MIGA1: variants seen among roughly 807,000 people sequenced by gnomAD.
MIGA1 encodes family with sequence similarity 73, member A.
Under a neutral mutation model 82.0 loss-of-function variants are expected in MIGA1, and 58 were observed. The ratio of observed to expected loss-of-function variants is 0.71; its 90% CI spans 0.57 to 0.88. The LOEUF is 0.88. MIGA1 is among the 40% of genes least tolerant of loss of function. The pLI, the probability that MIGA1 is intolerant of heterozygous loss-of-function variation, is 0.00. For missense variants in MIGA1, 751 were observed against 749.1 expected, an observed-to-expected ratio of 1.00 and a Z score of -0.03; for synonymous variants, 249 against 253.6, an observed-to-expected ratio of 0.98 and a Z score of 0.17.
Position 77,859,073 on chromosome 1 carries a change from GT to G in MIGA1, c.1115+20del, listed in dbSNP as rs1685371226. 2 of 1,421,912 alleles carry G rather than the reference GT, an allele frequency of 1.4e-6. No homozygotes were observed. The highest frequency in any genetic ancestry group is 2.0e-6 in the Non-Finnish European group (2 of 1,005,224). The allele number at this position is 1,421,912 out of a possible 1,614,324, so 88.1% of individuals were successfully genotyped here. On this transcript the variant is annotated intron_variant, in intron 9 of 15. Coordinates refer to ENST00000370791, the MANE Select transcript of MIGA1 (RefSeq NM_198549.4). ...AGTACTGAGGTACCATTTCAGTTTT[GT>G]TTATGTTTATGAAGGATATTAAGGT...
chr1:77,783,141 A>G, intron 1 of MIGA1, 97 bp from the exon 2 acceptor site: 1 of 750,938 alleles, frequency 1.3e-6, no homozygotes. Flanking sequence ...GACTGCAAAA[A>G]TAAGCTGATA....
chr1:77,870,853 C>T (rs79433471), intron 14 of MIGA1, among the ~76,000 whole-genome samples: 58 of 150,480 alleles, frequency 3.9e-4, no homozygotes, highest in African/African-American at 1.3e-3. Context: ...AGGCCGAGGC[C>T]GGCGGATCAC....
intron 8 of MIGA1, chr1:77,848,178 C>A: frequency 2.1e-6 from 3 of 1,432,358 alleles, no homozygotes; most frequent in Non-Finnish European, 2.9e-6. Flanking sequence ...GCACAGGAGA[C>A]CAGTCATAGA....
chr1:77,801,493 G>A lies in MIGA1; in HGVS notation c.358G>A (p.Ala120Thr), dbSNP rs746346780. ...CCTCATACTTGAATACACTAAAAGA[G>A]CAGCATCAGACAAAGGTATGTGGAA... Residue 120 changes from alanine to threonine, a missense_variant, in exon 3 of 16, where the codon GCA (alanine) becomes ACA (threonine). By Grantham distance (58) the Ala-to-Thr change is moderately conservative (BLOSUM62 0). Transcript: ENST00000370791. 6.3e-7 allele frequency: 1 copy of A among 1,599,018 alleles called. No homozygotes were observed. The highest frequency in any genetic ancestry group is 1.1e-5 in the South Asian group (1 of 87,624).
chr1:77,799,050 T>A (rs910455594), intron 2 of MIGA1, among the ~76,000 whole-genome samples: 2 of 152,228 alleles, frequency 1.3e-5, no homozygotes, highest in African/African-American at 4.8e-5. Context: ...ATTCCTAGGA[T>A]GTATACCACT....
intron 2 of MIGA1, among the ~76,000 whole-genome samples, chr1:77,791,101 C>T (rs1207385837): frequency 6.6e-6 from 1 of 151,834 alleles, no homozygotes; most frequent in African/African-American, 2.4e-5. Flanking sequence ...TAAATATAAG[C>T]TGGGCATGGT....
chr1:77,863,077 CA>C (rs1484878293), intron 12 of MIGA1, among the ~76,000 whole-genome samples: 1 of 152,120 alleles, frequency 6.6e-6, no homozygotes, highest in Non-Finnish European at 1.5e-5. Context: ...GAAATGAAAT[CA>C]GTATCCATTT....
chr1:77,808,130 C>CTCT (rs1557904010), intron 5 of MIGA1, among the ~76,000 whole-genome samples: 2 of 137,038 alleles, frequency 1.5e-5, no homozygotes, highest in African/African-American at 2.7e-5. Context: ...ACCTTTCTCT[C>CTCT]TTTTTTTTTT....
At chr1:77,838,796 G>A (rs550203100) in intron 7 of MIGA1, among the ~76,000 whole-genome samples, 1 of 152,194 alleles carries the variant, frequency 6.6e-6, no homozygotes, top group African/African-American at 2.4e-5. Flanking sequence ...GTTTAGTTTT[G>A]TCTGTTTTTG....
At chr1:77,796,045 T>C (rs1682640220) in intron 2 of MIGA1, among the ~76,000 whole-genome samples, 1 of 152,256 alleles carries the variant, frequency 6.6e-6, no homozygotes, top group African/African-American at 2.4e-5. Context: ...TATATTTACT[T>C]ATTATAATAT....
At chr1:77,857,983 T>A (rs1165466300) in intron 8 of MIGA1, among the ~76,000 whole-genome samples, 1 of 152,162 alleles carries the variant, frequency 6.6e-6, no homozygotes, top group African/African-American at 2.4e-5. Flanking sequence ...TTGTAAGTAA[T>A]CTATGGATGA....
chr1:77,839,781 C>T (rs1230846449), intron 7 of MIGA1, among the ~76,000 whole-genome samples: 1 of 152,144 alleles, frequency 6.6e-6, no homozygotes, highest in Admixed American at 6.6e-5. Flanking sequence ...CTTGCTCTGT[C>T]ACCCAGGCTG....
chr1:77,820,704 A>G (rs1457156956), intron 7 of MIGA1, among the ~76,000 whole-genome samples: 1 of 152,154 alleles, frequency 6.6e-6, no homozygotes, highest in South Asian at 2.1e-4. Context: ...CTGATATCCT[A>G]TTCATGTTTT....
rs1414597589 is a variant in MIGA1 at position 77,877,191 on chromosome 1, TAATA to T, written c.*2132_*2135del. 2 of 152,226 alleles carry T rather than the reference TAATA, an allele frequency of 1.3e-5. No homozygotes were observed. Among genetic ancestry groups the T allele is most frequent in the East Asian group, 3.8e-4 (2 of 5,206 alleles). 9.4% of individuals were successfully genotyped at this position (152,226 alleles called of 1,614,324 possible). A position where few individuals can be genotyped will look rare whatever the true frequency, so the allele number is the denominator to read the frequency against. On this transcript the variant is annotated 3_prime_UTR_variant, in exon 16 of 16. Coordinates refer to ENST00000370791, the MANE Select transcript of MIGA1 (RefSeq NM_198549.4). Reference sequence around the variant, plus strand: ...TAGATTAAAGTGCCTAGTTTCTGATTAATAAATAGAAGATGAAAAAAGTGGGCGG... The same window carrying T: ...TAGATTAAAGTGCCTAGTTTCTGATTAATAGAAGATGAAAAAAGTGGGCGG...
intron 7 of MIGA1, among the ~76,000 whole-genome samples, chr1:77,816,370 T>G (rs984379977): frequency 1.3e-5 from 2 of 152,198 alleles, no homozygotes; most frequent in South Asian, 4.1e-4. Flanking sequence ...AAAAATAATT[T>G]AAGTCTTTTT....
chr1:77,866,356 TG>T lies in MIGA1; in HGVS notation c.1530del (p.Trp510CysfsTer4). 6.2e-7 allele frequency: 1 copy of T among 1,614,154 alleles called. No individual in the cohort carries two copies. Among genetic ancestry groups the T allele is most frequent in the Non-Finnish European group, 8.5e-7 (1 of 1,179,980 alleles). On this transcript the variant is annotated frameshift_variant, in exon 14 of 16. Transcript: ENST00000370791. LOFTEE classifies it high-confidence loss of function. ...TATTTAGGCTGTGGCTTCAAGTTGTTGGTCGGTGCTGAAACAGAAAAGACAA... is the reference window on the plus strand; with the variant it reads ...TATTTAGGCTGTGGCTTCAAGTTGTTGTCGGTGCTGAAACAGAAAAGACAA...
intron 7 of MIGA1, among the ~76,000 whole-genome samples, chr1:77,842,795 G>A (rs1273493035): frequency 6.6e-6 from 1 of 152,202 alleles, no homozygotes. Context: ...GCCTGCCTCA[G>A]CCTCCCAGAG....
At chr1:77,779,832 G>T (rs1479545888) in intron 1 of MIGA1, 96 bp downstream of exon 1, 3 of 1,447,308 alleles carry the variant, frequency 2.1e-6, no homozygotes, top group Admixed American at 5.2e-5. Flanking sequence ...CGGGGCAGGG[G>T]TGGCGCGGAC....
At chr1:77,811,555 G>A (rs943738787) in intron 5 of MIGA1, 1 of 1,609,312 alleles carries the variant, frequency 6.2e-7, no homozygotes, top group African/African-American at 1.3e-5. Context: ...GGACTGTAAA[G>A]CTGCACTTCG....
Sources: allele counts gnomAD v4.1 joint callset (sites outside exome capture counted in the v4.1 genomes callset), GRCh38; gene constraint gnomAD v4.1.1; transcripts MANE v1.5; gene names NCBI Gene and HGNC (gene_info 2026-07-23, HGNC 2026-07-21).